ADAMTS19: variants seen among roughly 807,000 people sequenced by gnomAD.
ADAMTS19 encodes A disintegrin and metalloproteinase with thrombospondin motifs 19.
A neutral mutation model predicts 153.3 loss-of-function variants in ADAMTS19; 93 were observed. That is an observed-to-expected ratio of 0.61 (90% CI 0.51 to 0.72). The LOEUF (loss-of-function observed/expected upper bound fraction) is 0.72, where lower values mean the gene tolerates loss of function less well. ADAMTS19 is among the 30% of genes least tolerant of loss of function. The pLI is 0.00. For synonymous variants in ADAMTS19, 600 were observed against 556.6 expected (o/e 1.08, Z -1.10); for missense variants, 1,482 against 1,552.1 (o/e 0.95, Z 0.76).
rs1291078178 is a variant in ADAMTS19 at position 129,461,606 on chromosome 5, T to A, written c.596T>A (p.Val199Glu). ...DGRFLAPRFAVEQRPNPGPGP... is the reference protein window; with the variant it reads ...DGRFLAPRFAEEQRPNPGPGP... ...CGCTTCCTGGCGCCGCGCTTCGCAG[T>A]GGAACAGCGGCCAAATCCCGGCCCC... is the stretch of plus-strand genomic sequence containing the variant. Residue 199 changes from valine (V) to glutamate (E), a missense_variant, in exon 2 of 23, where the codon GTG becomes GAG. Transcript: ENST00000274487. This position sits in a 1 kb window ranked among gnomAD's most constrained non-coding sequence, Gnocchi z 4.6. 40 of 1,591,054 alleles carry A rather than the reference T, an allele frequency of 2.5e-5. No individual in the cohort carries two copies. Among genetic ancestry groups the A allele is most frequent in the Non-Finnish European group, 3.3e-5 (39 of 1,175,704 alleles).
chr5:129,517,487 T>C (rs865979422), intron 3 of ADAMTS19, among the ~76,000 whole-genome samples: 6 of 152,108 alleles, frequency 3.9e-5, no homozygotes, highest in South Asian at 2.1e-4. Flanking sequence ...CATATATATA[T>C]TTAAAATTGT....
intron 15 of ADAMTS19, 75 bp from the exon 16 acceptor site, chr5:129,665,424 C>A: frequency 6.2e-6 from 8 of 1,282,900 alleles, no homozygotes; most frequent in South Asian, 3.0e-5. Context: ...AAAAGGAAAA[C>A]AAAAGGCAAG....
intron 18 of ADAMTS19, among the ~76,000 whole-genome samples, chr5:129,692,279 ATC>A (rs1755371102): frequency 6.6e-6 from 1 of 152,072 alleles, no homozygotes; most frequent in Non-Finnish European, 1.5e-5. Flanking sequence ...CTGACCAAAA[ATC>A]TGTCCCAAAA....
intron 2 of ADAMTS19, among the ~76,000 whole-genome samples, chr5:129,480,921 C>A (rs1269082377): frequency 6.6e-6 from 1 of 151,978 alleles, no homozygotes; most frequent in East Asian, 1.9e-4. Context: ...TTGACAAAAA[C>A]CAAGTAATGA....
At chr5:129,460,528 C>T in intron 1 of ADAMTS19, 46 bp downstream of exon 1, 1 of 1,609,886 alleles carries the variant, frequency 6.2e-7, no homozygotes, top group Non-Finnish European at 8.5e-7. Context: ...GCCATCCCAG[C>T]GGAGACCGCG....
intron 2 of ADAMTS19, among the ~76,000 whole-genome samples, chr5:129,470,153 G>A (rs568346400): frequency 6.6e-6 from 1 of 152,216 alleles, no homozygotes; most frequent in Admixed American, 6.5e-5. Context: ...GCATTTATTT[G>A]AAGTTTGTTA....
chr5:129,528,189 G>A (rs1198032130), intron 5 of ADAMTS19, among the ~76,000 whole-genome samples: 1 of 151,842 alleles, frequency 6.6e-6, no homozygotes, highest in Non-Finnish European at 1.5e-5. Context: ...TGCTTAACTG[G>A]CACTTTAGAA....
chr5:129,509,254 C>G lies in ADAMTS19; in HGVS notation c.913+12C>G. ...TGGTATCATTTCAGGTAAATGCCTT[C>G]TCCTGAAAGAGTTTTAAGTAAATAT... On this transcript the variant is annotated intron_variant, in intron 3 of 22. Coordinates refer to ENST00000274487, the MANE Select transcript of ADAMTS19 (RefSeq NM_133638.6). 1 of 1,604,002 alleles carries G rather than the reference C, an allele frequency of 6.2e-7. No individual in the cohort carries two copies. Among genetic ancestry groups the G allele is most frequent in the Non-Finnish European group, 8.5e-7 (1 of 1,175,234 alleles).
chr5:129,541,075 A>T (rs114849526), intron 6 of ADAMTS19, among the ~76,000 whole-genome samples: 1 of 152,082 alleles, frequency 6.6e-6, no homozygotes, highest in Admixed American at 6.6e-5. Context: ...CTGAAGATTA[A>T]GAATTATCAT....
chr5:129,460,483 G>T lies in ADAMTS19; in HGVS notation c.91+1G>T. ...TTCCTGTCGAATGGGATCGTTTCAG[G>T]TAAGTTCTTCCGTGACTTTCTCGCT... On this transcript the variant is annotated splice_donor_variant, in intron 1 of 22. Transcript: ENST00000274487. LOFTEE classifies it high-confidence loss of function. 1 of 1,614,148 alleles carries T rather than the reference G, an allele frequency of 6.2e-7. No individual in the cohort carries two copies.
chr5:129,716,208 A>T (rs540170221), intron 21 of ADAMTS19, among the ~76,000 whole-genome samples: 16 of 151,746 alleles, frequency 1.1e-4, no homozygotes, highest in African/African-American at 3.9e-4. Flanking sequence ...ATTTGTATTT[A>T]TTTTTTTGAT....
intron 8 of ADAMTS19, among the ~76,000 whole-genome samples, chr5:129,609,200 A>G (rs1213457677): frequency 6.6e-6 from 1 of 152,212 alleles, no homozygotes; most frequent in Non-Finnish European, 1.5e-5. Context: ...GGGAAAGTGC[A>G]TTATTAGACA....
chr5:129,721,520 A>G (rs1253021180), intron 21 of ADAMTS19, among the ~76,000 whole-genome samples: 3 of 152,150 alleles, frequency 2.0e-5, no homozygotes, highest in Non-Finnish European at 4.4e-5. Context: ...CTCAAGGTAA[A>G]TGGACATTTC....
intron 6 of ADAMTS19, among the ~76,000 whole-genome samples, chr5:129,551,402 CT>C (rs1445395081): frequency 6.6e-6 from 1 of 151,514 alleles, no homozygotes; most frequent in African/African-American, 2.4e-5. Context: ...GATTATCAGT[CT>C]TTTAAAAATT....
chr5:129,620,206 T>TA lies in ADAMTS19; in HGVS notation c.1479-408dup, dbSNP rs539053038. ...TAGATTAATGAGGTTTCAAATTTGG[T>TA]AAAAGATGTGTTTGTTTTCAAATCA... On this transcript the variant is annotated intron_variant, in intron 8 of 22. Coordinates refer to ENST00000274487, the MANE Select transcript of ADAMTS19 (RefSeq NM_133638.6). 3.8e-4 allele frequency among the ~76,000 whole-genome samples: 58 copies of TA among 152,038 alleles called. No homozygotes were observed. The East Asian group carries it at 0.01, about 27-fold the overall frequency.
chr5:129,693,856 T>A (rs1413737752), intron 18 of ADAMTS19, among the ~76,000 whole-genome samples: 1 of 152,178 alleles, frequency 6.6e-6, no homozygotes, highest in Admixed American at 6.6e-5. Flanking sequence ...TTTCTTTTCT[T>A]ACAGATGATG....
chr5:129,576,828 C>G (rs1754121230), intron 7 of ADAMTS19, among the ~76,000 whole-genome samples: 1 of 151,812 alleles, frequency 6.6e-6, no homozygotes. Flanking sequence ...AGCATATTGG[C>G]TGACCTACCT....
Position 129,578,095 on chromosome 5 carries a change from T to C in ADAMTS19, c.1373-18464T>C, listed in dbSNP as rs62399007. ...ACACACACACATATATACATATACATACATATACATATGCATGTATATGTA... is the reference window on the plus strand; with the variant it reads ...ACACACACACATATATACATATACACACATATACATATGCATGTATATGTA... On this transcript the variant is annotated intron_variant, in intron 7 of 22. Transcript: ENST00000274487. Among the ~76,000 whole-genome samples, 274 of 40,992 alleles carry C rather than the reference T, an allele frequency of 6.7e-3. 8 individuals are homozygous for C. Among genetic ancestry groups the C allele is most frequent in the African/African-American group, 9.4e-3 (236 of 25,194 alleles). The allele number at this position is 40,992 out of a possible 152,430, so 26.9% of individuals were successfully genotyped here. A position where few individuals can be genotyped will look rare whatever the true frequency, so the allele number is the denominator to read the frequency against.
intron 12 of ADAMTS19, 33 bp downstream of exon 12, chr5:129,647,928 C>T (rs1375821301): frequency 2.5e-6 from 4 of 1,586,832 alleles, no homozygotes; most frequent in Non-Finnish European, 3.4e-6. Flanking sequence ...GGGGAGGGCA[C>T]TTTTCAATTT....
Sources: gnomAD v4.1 joint callset for allele counts (sites outside exome capture counted in the v4.1 genomes callset) on GRCh38, gnomAD v4.1.1 for gene constraint, Gnocchi (gnomAD v3.1) non-coding constraint, MANE v1.5 for transcripts, NCBI Gene and HGNC (gene_info 2026-07-23, HGNC 2026-07-21) for gene names.